Variants in STRADB observed in about 807,000 individuals in gnomAD.
STRADB encodes STE20-related kinase adapter protein beta.
STRADB carries 34 observed loss-of-function variants against 52.1 expected under a neutral mutation model. The observed-to-expected ratio is 0.65, with a 90% CI of 0.50 to 0.87. The LOEUF (loss-of-function observed/expected upper bound fraction) is 0.87. Ranked by LOEUF, STRADB falls within the 40% of genes least tolerant of loss-of-function variation. STRADB has a pLI of 0.00. For synonymous variants in STRADB, 133 were observed against 174.5 expected (o/e 0.76, Z 1.87); for missense variants, 340 against 483.9 (o/e 0.70, Z 2.79).
Position 201,474,680 on chromosome 2 carries a change from C to G in STRADB, c.349C>G (p.Pro117Ala). 6.2e-7 allele frequency: 1 copy of G among 1,612,034 alleles called. No individual in the cohort carries two copies. Among genetic ancestry groups the G allele is most frequent in the Non-Finnish European group, 8.5e-7 (1 of 1,179,558 alleles). ...AVILSHFFRH[P>A]NITTYWTVFT... ...GATTCTATCCCACTTTTTCCGGCAT[C>G]CCAATATTACAACTTATTGGACAGT... Residue 117 changes from proline to alanine, a missense_variant, in exon 6 of 12, where the codon CCC becomes GCC. Physicochemically the swap from Pro to Ala is conservative, Grantham distance 27 (BLOSUM62 -1). Transcript: ENST00000194530.
At chr2:201,458,917 T>C in intron 3 of STRADB, 53 bp downstream of exon 3, 2 of 1,494,436 alleles carry the variant, frequency 1.3e-6, no homozygotes, top group South Asian at 2.3e-5. Context: ...ATCCCAACAC[T>C]CTGGGAGGCC....
At position 201,451,746 on chromosome 2, in the gene STRADB, A is replaced by AAT. The variant is rs1952042752; in HGVS notation, c.-288_-287insAT. The AAT allele has an allele frequency of 5.3e-5, 8 of 151,732 alleles. No individual in the cohort carries two copies. The highest frequency in any genetic ancestry group is 7.4e-5 in the Non-Finnish European group (5 of 67,918). The allele number at this position is 151,732 out of a possible 1,614,324, so 9.4% of individuals were successfully genotyped here. ...GCGCGGGTGGGGCGAATGCGTTCCCAGCGGGTAGCCTGGGACTGGTGCAGA... is the reference window on the plus strand; with the variant it reads ...GCGCGGGTGGGGCGAATGCGTTCCCAATGCGGGTAGCCTGGGACTGGTGCAGA... On this transcript the variant is annotated 5_prime_UTR_variant, in exon 1 of 12. It adds an upstream start codon to the 5' untranslated region. Coordinates refer to ENST00000194530, the MANE Select transcript of STRADB (RefSeq NM_018571.6).
At chr2:201,465,309 G>A (rs545576648) in intron 3 of STRADB, among the ~76,000 whole-genome samples, 2 of 152,324 alleles carry the variant, frequency 1.3e-5, no homozygotes, top group East Asian at 3.9e-4. Flanking sequence ...TGGTCAGCAG[G>A]TGATGGATCC....
At position 201,475,818 on chromosome 2, in the gene STRADB, C is replaced by G; in HGVS notation, c.548+76C>G. The G allele has an allele frequency of 2.1e-6, 3 of 1,456,186 alleles. No homozygotes were observed. The South Asian group carries it at 4.2e-5, about 20-fold the overall frequency. 90.2% of individuals were successfully genotyped at this position (1,456,186 alleles called of 1,614,324 possible). ...CTTTGAAGGAGGTTTTAGGAAGGAG[C>G]AGTTGAATATTAGAAAAAAGGGATA... On this transcript the variant is annotated intron_variant, in intron 7 of 11. Coordinates refer to ENST00000194530, the MANE Select transcript of STRADB (RefSeq NM_018571.6).
At chr2:201,458,729 C>G in intron 2 of STRADB, 55 bp from the exon 3 acceptor site, 1 of 1,517,160 alleles carries the variant, frequency 6.6e-7, no homozygotes. Context: ...TACATACCAC[C>G]CCTGCTTATC....
chr2:201,479,494 CAGCA>C lies in STRADB; in HGVS notation c.1081_1084del (p.Ser361ValfsTer11). ...AACTTTCTTAAAAATTTCAGGCCAT[CAGCA>C]AGCAGTTTATTGTCCCATGTTTTCT... On this transcript the variant is annotated frameshift_variant, in exon 11 of 12. Coordinates refer to ENST00000194530, the MANE Select transcript of STRADB (RefSeq NM_018571.6). LOFTEE classifies it high-confidence loss of function. 1 of 1,601,192 alleles carries C rather than the reference CAGCA, an allele frequency of 6.2e-7. No individual in the cohort carries two copies. Among genetic ancestry groups the C allele is most frequent in the Non-Finnish European group, 8.5e-7 (1 of 1,177,014 alleles).
At chr2:201,475,352 A>ATAT (rs1282359841) in intron 6 of STRADB, among the ~76,000 whole-genome samples, 4 of 151,428 alleles carry the variant, frequency 2.6e-5, no homozygotes, top group Admixed American at 6.6e-5. Flanking sequence ...GAAAAAAAAA[A>ATAT]ATATATATAT....
chr2:201,473,949 G>GGC (rs1305015930), intron 5 of STRADB, among the ~76,000 whole-genome samples: 1 of 146,510 alleles, frequency 6.8e-6, no homozygotes, highest in Non-Finnish European at 1.5e-5. Context: ...GGAGTGCAGT[G>GGC]GCGCGATCTT....
At chr2:201,472,519 G>C (rs1952406095) in intron 4 of STRADB, among the ~76,000 whole-genome samples, 2 of 152,214 alleles carry the variant, frequency 1.3e-5, no homozygotes, top group African/African-American at 2.4e-5. Flanking sequence ...TGACAACTGT[G>C]TTCTTTTTGA....
At chr2:201,453,422 C>T (rs942112572) in intron 1 of STRADB, among the ~76,000 whole-genome samples, 7 of 152,004 alleles carry the variant, frequency 4.6e-5, no homozygotes, top group African/African-American at 1.5e-4. Context: ...TGATTACCAG[C>T]GGGTGTCCAC....
At chr2:201,467,420 C>A (rs1952321219) in intron 3 of STRADB, among the ~76,000 whole-genome samples, 1 of 152,142 alleles carries the variant, frequency 6.6e-6, no homozygotes, top group South Asian at 2.1e-4. Flanking sequence ...GGTCGTCCAA[C>A]CTCCAAATAT....
chr2:201,454,096 G>A (rs980636796), intron 1 of STRADB, among the ~76,000 whole-genome samples: 17 of 152,180 alleles, frequency 1.1e-4, no homozygotes, highest in African/African-American at 4.1e-4. Flanking sequence ...ATGTTGGTTA[G>A]ATGTAAAGGG....
At chr2:201,463,537 A>C (rs1202876487) in intron 3 of STRADB, among the ~76,000 whole-genome samples, 1 of 151,946 alleles carries the variant, frequency 6.6e-6, no homozygotes, top group African/African-American at 2.4e-5. Context: ...TTTTGGGTTA[A>C]ATCTGCTGGG....
At position 201,461,899 on chromosome 2, in the gene STRADB, C is replaced by T. The variant is rs143243287; in HGVS notation, c.93+3035C>T. 9.2e-5 allele frequency among the ~76,000 whole-genome samples: 14 copies of T among 152,216 alleles called. No homozygotes were observed. The East Asian group carries it at 9.7e-4, about 10-fold the overall frequency. On this transcript the variant is annotated intron_variant, in intron 3 of 11. Coordinates refer to ENST00000194530, the MANE Select transcript of STRADB (RefSeq NM_018571.6). The stretch of plus-strand genomic sequence containing the variant: ...GGGTCTACTTTCATTCTTCTGCATA[C>T]GAATATCCAGTTTTCCCAGCACCAC...
intron 3 of STRADB, among the ~76,000 whole-genome samples, chr2:201,462,850 G>A (rs1952237162): frequency 6.6e-6 from 1 of 152,130 alleles, no homozygotes; most frequent in Non-Finnish European, 1.5e-5. Context: ...GTTTTTATCT[G>A]TGTATTTATT....
intron 3 of STRADB, among the ~76,000 whole-genome samples, chr2:201,461,399 C>T (rs1427462209): frequency 1.3e-5 from 2 of 152,148 alleles, no homozygotes; most frequent in Non-Finnish European, 2.9e-5. Context: ...TCTTGAACTC[C>T]TAGCCTCAAG....
intron 5 of STRADB, 113 bp downstream of exon 5, chr2:201,473,189 A>G (rs1559467429): frequency 1.1e-6 from 1 of 945,822 alleles, no homozygotes; most frequent in Non-Finnish European, 1.4e-6. Flanking sequence ...AAATAATACA[A>G]TAAAAAATAG....
intron 3 of STRADB, among the ~76,000 whole-genome samples, chr2:201,463,327 G>C (rs1952246458): frequency 2.9e-5 from 1 of 34,438 alleles, no homozygotes. Flanking sequence ...GAGTGAGACT[G>C]TCTCAAAAAA....
rs909317385 is a variant in STRADB at position 201,464,769 on chromosome 2, C to T, written c.94-5184C>T. Among the ~76,000 whole-genome samples, 92 of 152,210 alleles carry T rather than the reference C, an allele frequency of 6.0e-4. 6 individuals are homozygous for T. The highest frequency in any genetic ancestry group is 1.5e-5 in the Non-Finnish European group (1 of 68,036). On this transcript the variant is annotated intron_variant, in intron 3 of 11. Coordinates refer to ENST00000194530, the MANE Select transcript of STRADB (RefSeq NM_018571.6). Reference sequence around the variant, plus strand: ...GAACCTTAGGAATCTACTTTGTGCTCTATTCTACTGCAGCTGAGCTGGCAC... The same window carrying T: ...GAACCTTAGGAATCTACTTTGTGCTTTATTCTACTGCAGCTGAGCTGGCAC...
Sources: gnomAD v4.1 joint callset for allele counts (sites outside exome capture counted in the v4.1 genomes callset) on GRCh38, gnomAD v4.1.1 for gene constraint, MANE v1.5 for transcripts, NCBI Gene and HGNC (gene_info 2026-07-23, HGNC 2026-07-21) for gene names.